EML1: variants seen among roughly 807,000 people sequenced by gnomAD.
EML1 encodes the protein echinoderm microtubule-associated protein-like 1.
Under a neutral mutation model 110.4 loss-of-function variants are expected in EML1, and 27 were observed. The observed-to-expected ratio is 0.24, with a 90% confidence interval of 0.18 to 0.34. The LOEUF is 0.34. Among genes scored for constraint, EML1 ranks in the 10% least tolerant of loss-of-function variants. EML1 has a pLI of 1.00. For missense variants in EML1, 741 were observed against 1,030.9 expected, an observed-to-expected ratio of 0.72 and a Z score of 3.85; for synonymous variants, 344 against 385.8, an observed-to-expected ratio of 0.89 and a Z score of 1.27.
chr14:99,898,479 C>T (rs574783772), intron 8 of EML1, among the ~76,000 whole-genome samples, 177 bp downstream of exon 8: 3 of 152,240 alleles, frequency 2.0e-5, no homozygotes, highest in East Asian at 1.9e-4. Context: ...TGGCAGGGTG[C>T]GGTGGCTCAC....
chr14:99,751,917 G>T (rs535390043), intron 1 of EML1, among the ~76,000 whole-genome samples: 1 of 152,124 alleles, frequency 6.6e-6, no homozygotes, highest in Non-Finnish European at 1.5e-5. Context: ...TTGGGCAGAG[G>T]AGTGACAGGA....
chr14:99,795,519 A>G (rs969846063), intron 1 of EML1, among the ~76,000 whole-genome samples: 3 of 152,214 alleles, frequency 2.0e-5, no homozygotes, highest in Non-Finnish European at 4.4e-5. Context: ...TATGGGGCAG[A>G]AGTCAATGTT....
intron 1 of EML1, among the ~76,000 whole-genome samples, chr14:99,776,625 G>A (rs2057486006): frequency 6.6e-6 from 1 of 152,154 alleles, no homozygotes; most frequent in Admixed American, 6.5e-5. Flanking sequence ...GTCAGTAAAA[G>A]TGCACAAAAT....
At chr14:99,742,521 C>T (rs1442981347) in intron 1 of EML1, among the ~76,000 whole-genome samples, 1 of 152,038 alleles carries the variant, frequency 6.6e-6, no homozygotes, top group Non-Finnish European at 1.5e-5. Context: ...AGAGGAGGGA[C>T]CCGGAGGAGG....
At chr14:99,849,373 C>T (rs2058753176) in intron 1 of EML1, among the ~76,000 whole-genome samples, 1 of 151,910 alleles carries the variant, frequency 6.6e-6, no homozygotes, top group Admixed American at 6.6e-5. Context: ...TGTCATTTTT[C>T]TCTTGCTGCT....
intron 16 of EML1, among the ~76,000 whole-genome samples, chr14:99,918,758 C>T (rs762954303): frequency 1.3e-5 from 2 of 152,074 alleles, no homozygotes; most frequent in African/African-American, 2.4e-5. Flanking sequence ...GAGGCTGCAT[C>T]GCACTATGAT....
At chr14:99,812,078 C>T (rs1449798980) in intron 1 of EML1, among the ~76,000 whole-genome samples, 2 of 151,924 alleles carry the variant, frequency 1.3e-5, no homozygotes, top group Non-Finnish European at 2.9e-5. Flanking sequence ...TATTTCTCTA[C>T]TCTCCTGTCT....
At chr14:99,824,702 A>G (rs1037978339) in intron 1 of EML1, among the ~76,000 whole-genome samples, 1 of 152,118 alleles carries the variant, frequency 6.6e-6, no homozygotes, top group African/African-American at 2.4e-5. Context: ...TATCGCTGGA[A>G]TGGTGAACAC....
At chr14:99,737,831 C>A (rs2056986949) in exon 1 of EML1, 1 of 1,289,228 alleles carries the variant, frequency 7.8e-7, no homozygotes. Context: ...ATCTTCCACA[C>A]CATGTCGGAC....
intron 1 of EML1, among the ~76,000 whole-genome samples, chr14:99,776,779 T>G (rs1052833262): frequency 4.6e-5 from 7 of 152,204 alleles, no homozygotes; most frequent in African/African-American, 1.7e-4. Context: ...CTACCTTTCC[T>G]ACAGCCACGT....
upstream of EML1, among the ~76,000 whole-genome samples, chr14:99,768,974 T>C (rs1421950764): frequency 6.6e-6 from 1 of 152,182 alleles, no homozygotes; most frequent in Non-Finnish European, 1.5e-5. Flanking sequence ...TGCCTTGGCC[T>C]CCCAAAGTGC....
intron 2 of EML1, among the ~76,000 whole-genome samples, chr14:99,862,276 A>G (rs570039680): frequency 2.0e-5 from 3 of 152,318 alleles, no homozygotes; most frequent in African/African-American, 7.2e-5. Flanking sequence ...GGTGCATGCT[A>G]TCAACATGGC....
chr14:99,907,566 T>C, intron 9 of EML1, 72 bp from the exon 10 acceptor site: 1 of 1,289,114 alleles, frequency 7.8e-7, no homozygotes, highest in Non-Finnish European at 1.1e-6. Flanking sequence ...TGAAATTTGA[T>C]GTTTATTTTT....
chr14:99,769,088 C>T (rs1310781317), upstream of EML1, among the ~76,000 whole-genome samples: 2 of 152,016 alleles, frequency 1.3e-5, no homozygotes, highest in African/African-American at 2.4e-5. Context: ...TTGGTGGTTT[C>T]GATGTGGGTT....
In EML1 at chr14:99,781,786, C is replaced by T. The variant is rs1030694380; in HGVS notation, c.-27+7773C>T. ...ACATTAACAGAGCTGGATGTCTCAT[C>T]AGTTTCCAGACATACTGAGTATGCA... On this transcript the variant is annotated intron_variant, in intron 1 of 22. Coordinates refer to the EML1 transcript ENST00000327921. The surrounding 1 kb of genome is among the most constrained non-coding windows in gnomAD (Gnocchi z 4.2). Among the ~76,000 whole-genome samples, 2 of 152,164 alleles carry T rather than the reference C, an allele frequency of 1.3e-5. No homozygotes were observed. Among genetic ancestry groups the T allele is most frequent in the African/African-American group, 2.4e-5 (1 of 41,444 alleles).
At chr14:99,888,725 A>C (rs1005960714) in intron 4 of EML1, among the ~76,000 whole-genome samples, 1 of 152,216 alleles carries the variant, frequency 6.6e-6, no homozygotes, top group Non-Finnish European at 1.5e-5. Flanking sequence ...AAAGTAGTAT[A>C]ATGAACTGAA....
intron 19 of EML1, 63 bp from the exon 20 acceptor site, chr14:99,937,754 G>C: frequency 1.3e-6 from 2 of 1,490,174 alleles, no homozygotes; most frequent in South Asian, 1.1e-5. Flanking sequence ...TGGGGGCTCA[G>C]CCTTGCTTAG....
chr14:99,758,395 G>T (rs1261896324), intron 1 of EML1, among the ~76,000 whole-genome samples: 1 of 152,062 alleles, frequency 6.6e-6, no homozygotes, highest in East Asian at 1.9e-4. Context: ...CCATGTATGG[G>T]GATTGCTTTG....
chr14:99,843,159 TAGG>T (rs1408772022), intron 1 of EML1, among the ~76,000 whole-genome samples: 1 of 151,998 alleles, frequency 6.6e-6, no homozygotes, highest in Non-Finnish European at 1.5e-5. Context: ...GAGGCTGAGA[TAGG>T]AGGATTGTTT....
Sources: allele counts gnomAD v4.1 joint callset (sites outside exome capture counted in the v4.1 genomes callset), GRCh38; gene constraint gnomAD v4.1.1; non-coding constraint Gnocchi (gnomAD v3.1); transcripts MANE v1.5; gene names NCBI Gene and HGNC (gene_info 2026-07-23, HGNC 2026-07-21).